The following GMDS variants were observed in gnomAD, a reference collection of about 807,000 sequenced individuals.
GMDS encodes GDP-mannose 4,6-dehydratase.
A neutral mutation model predicts 49.9 loss-of-function variants in GMDS; 20 were observed. The observed-to-expected ratio is 0.40, with a 90% CI of 0.28 to 0.58. The LOEUF is 0.58. GMDS is among the 20% of genes least tolerant of loss of function. GMDS has a pLI of 0.42. For synonymous variants in GMDS, 177 were observed against 178.6 expected (o/e 0.99, Z 0.07); for missense variants, 362 against 481.4 (o/e 0.75, Z 2.32).
At chr6:2,225,086 G>A (rs532107090) in intron 1 of GMDS, among the ~76,000 whole-genome samples, 18 of 151,992 alleles carry the variant, frequency 1.2e-4, no homozygotes, top group African/African-American at 3.6e-4. Context: ...TTGGGAAGCC[G>A]AGGTGGGTGG....
At chr6:2,138,074 C>T (rs1447244902) in intron 1 of GMDS, among the ~76,000 whole-genome samples, 4 of 152,132 alleles carry the variant, frequency 2.6e-5, no homozygotes, top group East Asian at 1.9e-4. Context: ...TTCTTTGAAA[C>T]AGTCAAATGT....
chr6:2,013,060 A>G (rs1345688951), intron 4 of GMDS, among the ~76,000 whole-genome samples: 1 of 152,214 alleles, frequency 6.6e-6, no homozygotes, highest in Non-Finnish European at 1.5e-5. Flanking sequence ...AACTGCTAAG[A>G]AACAATTCTG....
intron 1 of GMDS, among the ~76,000 whole-genome samples, chr6:2,147,866 G>A (rs1262768279): frequency 1.3e-5 from 2 of 149,274 alleles, no homozygotes; most frequent in African/African-American, 2.5e-5. Context: ...ATTCCACAAC[G>A]TAGAAACTAA....
chr6:1,769,249 A>C (rs1220306077), intron 7 of GMDS, among the ~76,000 whole-genome samples: 1 of 152,248 alleles, frequency 6.6e-6, no homozygotes, highest in Non-Finnish European at 1.5e-5. Flanking sequence ...CTTCTCCCAG[A>C]AGCAACCAGT....
At chr6:2,014,854 T>C (rs866754069) in intron 4 of GMDS, among the ~76,000 whole-genome samples, 16 of 151,978 alleles carry the variant, frequency 1.1e-4, no homozygotes, top group African/African-American at 3.6e-4. Context: ...AAGTCACAGG[T>C]AGATCAAAAG....
chr6:1,995,237 G>A (rs1025464746), intron 4 of GMDS, among the ~76,000 whole-genome samples: 1 of 152,124 alleles, frequency 6.6e-6, no homozygotes, highest in Admixed American at 6.5e-5. Flanking sequence ...TTTACAGTGG[G>A]GTACAAGGGA....
At chr6:2,012,034 T>A (rs1767593258) in intron 4 of GMDS, among the ~76,000 whole-genome samples, 1 of 152,162 alleles carries the variant, frequency 6.6e-6, no homozygotes, top group Non-Finnish European at 1.5e-5. Flanking sequence ...ATACTGTATA[T>A]CCTCACTTAT....
chr6:1,854,537 A>T (rs931847752), intron 7 of GMDS, among the ~76,000 whole-genome samples: 3 of 152,182 alleles, frequency 2.0e-5, no homozygotes, highest in Non-Finnish European at 4.4e-5. Context: ...GACATCTGTG[A>T]TTGTCACAAC....
intron 7 of GMDS, among the ~76,000 whole-genome samples, chr6:1,800,360 A>G (rs1284471341): frequency 6.6e-6 from 1 of 152,186 alleles, no homozygotes; most frequent in African/African-American, 2.4e-5. Context: ...GGATAGTAAC[A>G]CCAACCTTTC....
At chr6:1,707,108 T>C (rs962420203) in intron 9 of GMDS, among the ~76,000 whole-genome samples, 2 of 152,188 alleles carry the variant, frequency 1.3e-5, no homozygotes, top group African/African-American at 4.8e-5. Flanking sequence ...AGCAGTTAAG[T>C]GAATCTCAAG....
intron 7 of GMDS, among the ~76,000 whole-genome samples, chr6:1,790,329 T>A (rs1321744188): frequency 6.6e-6 from 1 of 152,196 alleles, no homozygotes; most frequent in South Asian, 2.1e-4. Flanking sequence ...AAAGTCTCCA[T>A]GGGAGTTAGG....
chr6:1,867,680 A>G (rs191125741), intron 7 of GMDS, among the ~76,000 whole-genome samples: 2 of 152,370 alleles, frequency 1.3e-5, no homozygotes, highest in Admixed American at 1.3e-4. Flanking sequence ...GGGAGATATG[A>G]GAAAATTTCC....
At chr6:2,123,841 T>G (rs1177964075) in intron 2 of GMDS, among the ~76,000 whole-genome samples, 1 of 152,244 alleles carries the variant, frequency 6.6e-6, no homozygotes, top group Non-Finnish European at 1.5e-5. Flanking sequence ...GGCTCTCAGA[T>G]TATGAGTTAA....
chr6:1,907,782 G>A (rs1760848293), intron 7 of GMDS, among the ~76,000 whole-genome samples: 1 of 152,156 alleles, frequency 6.6e-6, no homozygotes, highest in Non-Finnish European at 1.5e-5. Flanking sequence ...ATAAACATAA[G>A]TTGCATGTCC....
chr6:2,102,626 C>T (rs1027656864), intron 4 of GMDS, among the ~76,000 whole-genome samples: 3 of 152,054 alleles, frequency 2.0e-5, no homozygotes, highest in Non-Finnish European at 4.4e-5. Context: ...CAAAGAGGGG[C>T]TAAAAGTGTA....
At chr6:1,984,766 C>T (rs915405104) in intron 4 of GMDS, among the ~76,000 whole-genome samples, 4 of 152,206 alleles carry the variant, frequency 2.6e-5, no homozygotes, top group Non-Finnish European at 5.9e-5. Flanking sequence ...TGAAGTTCAA[C>T]AGCTTAGCTT....
rs555849338 is a variant in GMDS at position 1,993,276 on chromosome 6, G to C, written c.346-32310C>G. ...TTAGTTTCATTGCTGCCTTAGTCAT[G>C]TGGGGGAATTCCTGACCAATTCATC... is the stretch of plus-strand genomic sequence containing the variant. On this transcript the variant is annotated intron_variant, in intron 4 of 10. Coordinates refer to ENST00000380815, the MANE Select transcript of GMDS (RefSeq NM_001500.4). Among the ~76,000 whole-genome samples the C allele has an allele frequency of 1.7e-4, 26 of 152,280 alleles. No homozygotes were observed. In the East Asian group the frequency reaches 5.0e-3, roughly 29 times the overall value.
At chr6:1,965,883 G>A (rs1210476399) in intron 4 of GMDS, among the ~76,000 whole-genome samples, 1 of 152,088 alleles carries the variant, frequency 6.6e-6, no homozygotes, top group Non-Finnish European at 1.5e-5. Context: ...TTATTTTTAA[G>A]TAAAACTAAA....
intron 7 of GMDS, among the ~76,000 whole-genome samples, chr6:1,915,982 C>T (rs9654658): frequency 0.021 from 3,237 of 152,316 alleles, 109 homozygotes; most frequent in African/African-American, 0.073. Flanking sequence ...TGGGAGGTGG[C>T]AACACCTTCA....
Sources: gnomAD v4.1 joint callset for allele counts (sites outside exome capture counted in the v4.1 genomes callset) on GRCh38, gnomAD v4.1.1 for gene constraint, MANE v1.5 for transcripts, NCBI Gene and HGNC (gene_info 2026-07-23, HGNC 2026-07-21) for gene names.